Variants in AGAP1 observed in about 807,000 individuals in gnomAD.
AGAP1 encodes the protein ArfGAP with GTPase domain, ankyrin repeat and PH domain 1.
In AGAP1, 29 loss-of-function variants were observed where a neutral mutation model predicts 105.3. That is an observed-to-expected ratio of 0.28 (90% CI 0.21 to 0.38). The LOEUF is 0.38. Ranked by LOEUF, AGAP1 falls within the 10% of genes least tolerant of loss-of-function variation. The pLI, the probability that AGAP1 is intolerant of heterozygous loss-of-function variation, is 1.00. For synonymous variants in AGAP1, 509 were observed against 485.9 expected, an observed-to-expected ratio of 1.05 and a Z score of -0.63; for missense variants, 998 against 1,165.1, an observed-to-expected ratio of 0.86 and a Z score of 2.09.
rs562122220 is a variant in AGAP1, at chr2:236,044,712, C to A, written c.1891+3871C>A. Among the ~76,000 whole-genome samples, 1 of 152,110 alleles carries A rather than the reference C, an allele frequency of 6.6e-6. No individual in the cohort carries two copies. The highest frequency in any genetic ancestry group is 1.9e-4 in the East Asian group (1 of 5,190). On this transcript the variant is annotated intron_variant, in intron 15 of 17. Coordinates refer to ENST00000304032, the MANE Select transcript of AGAP1 (RefSeq NM_001037131.3). This position sits in a 1 kb window ranked among gnomAD's most constrained non-coding sequence, Gnocchi z 5.7. ...AATAGAACCTCCGGTCCCGCAACGT[C>A]GGGTCTCCTTCCCATTGTCGCCTCT...
rs1349173010 is a variant in AGAP1, at chr2:236,105,062, G to A, written c.2115-15130G>A. On this transcript the variant is annotated intron_variant, in intron 16 of 17. Coordinates refer to ENST00000304032, the MANE Select transcript of AGAP1 (RefSeq NM_001037131.3). The surrounding 1 kb of genome is among the most constrained non-coding windows in gnomAD (Gnocchi z 4.2). ...CACTGTCCTGGCTGCTGGGTGGGAA[G>A]ATAAAGCTGAGTTCCTTCTGTCTGT... Among the ~76,000 whole-genome samples the A allele has an allele frequency of 6.6e-6, 1 of 152,084 alleles. No individual in the cohort carries two copies. Among genetic ancestry groups the A allele is most frequent in the East Asian group, 1.9e-4 (1 of 5,156 alleles).
At chr2:235,670,702 G>T in intron 1 of AGAP1, 1 of 747,860 alleles carries the variant, frequency 1.3e-6, no homozygotes, top group Non-Finnish European at 2.3e-6. Flanking sequence ...CGACCGCCAC[G>T]CAGCCCGCCT....
Position 236,053,142 on chromosome 2 carries a change from G to T in AGAP1, c.2114+3861G>T, listed in dbSNP as rs111929711. On this transcript the variant is annotated intron_variant, in intron 16 of 17. Coordinates refer to ENST00000304032, the MANE Select transcript of AGAP1 (RefSeq NM_001037131.3). This position sits in a 1 kb window ranked among gnomAD's most constrained non-coding sequence, Gnocchi z 4.6. ...GGGGCTCTGGGTTCCAGTGTTAGAG[G>T]TACATGGTGTTACTGTAAGGAGAAG... is the stretch of plus-strand genomic sequence containing the variant. Among the ~76,000 whole-genome samples the T allele has an allele frequency of 6.6e-6, 1 of 152,216 alleles. No homozygotes were observed. Among genetic ancestry groups the T allele is most frequent in the Non-Finnish European group, 1.5e-5 (1 of 68,034 alleles).
chr2:235,581,294 C>T (rs1301899414), intron 1 of AGAP1, among the ~76,000 whole-genome samples: 1 of 147,862 alleles, frequency 6.8e-6, no homozygotes, highest in Non-Finnish European at 1.5e-5. Flanking sequence ...GTGACAAGAG[C>T]GAAACTCCGT....
At position 235,597,229 on chromosome 2, in the gene AGAP1, G is replaced by T. The variant is rs59766551; in HGVS notation, c.163+102380G>T. Among the ~76,000 whole-genome samples, 1,317 of 152,378 alleles carry T rather than the reference G, an allele frequency of 8.6e-3. 26 individuals carry two copies. Among genetic ancestry groups the T allele is most frequent in the African/African-American group, 0.03 (1,255 of 41,594 alleles). Reference sequence around the variant, plus strand: ...GTCACCCTTGTTGCCCGCCTCCAGGGCAGAGCTGGGGGCACTGGAGGTGCT... The same window carrying T: ...GTCACCCTTGTTGCCCGCCTCCAGGTCAGAGCTGGGGGCACTGGAGGTGCT... On this transcript the variant is annotated intron_variant, in intron 1 of 17. Transcript: ENST00000304032.
rs564836484 is a variant in AGAP1, at chr2:235,904,009, A to G, written c.1156-4729A>G. Among the ~76,000 whole-genome samples, 33 of 152,076 alleles carry G rather than the reference A, an allele frequency of 2.2e-4. No individual in the cohort carries two copies. Among genetic ancestry groups the G allele is most frequent in the African/African-American group, 7.7e-4 (32 of 41,488 alleles). ...ACGTTAAGCTGTGCTGCTGTCAGCAAGCTGAAAGCTATGGGTCTCTGACAC... is the reference window on the plus strand; with the variant it reads ...ACGTTAAGCTGTGCTGCTGTCAGCAGGCTGAAAGCTATGGGTCTCTGACAC... On this transcript the variant is annotated intron_variant, in intron 10 of 17. Coordinates refer to ENST00000304032, the MANE Select transcript of AGAP1 (RefSeq NM_001037131.3). This position sits in a 1 kb window ranked among gnomAD's most constrained non-coding sequence, Gnocchi z 4.2.
At chr2:235,914,429 C>A (rs1358807346) in intron 11 of AGAP1, among the ~76,000 whole-genome samples, 1 of 150,920 alleles carries the variant, frequency 6.6e-6, no homozygotes, top group African/African-American at 2.4e-5. Context: ...GATAAACACA[C>A]AAGTAAGATC....
chr2:235,704,072 C>T (rs1950400328), intron 1 of AGAP1, among the ~76,000 whole-genome samples: 1 of 152,224 alleles, frequency 6.6e-6, no homozygotes. Flanking sequence ...TGACCCCTCA[C>T]ACCCATTTCC....
intron 11 of AGAP1, among the ~76,000 whole-genome samples, chr2:235,915,250 G>A (rs1333953947): frequency 6.6e-6 from 1 of 152,196 alleles, no homozygotes; most frequent in Admixed American, 6.5e-5. Flanking sequence ...ACAGTAAAAT[G>A]TGAAGGATAA....
chr2:235,905,136 A>G lies in AGAP1; in HGVS notation c.1156-3602A>G, dbSNP rs2051242913. ...CATTTCTATAATAATTTTAAATAAA[A>G]TATCGTGGTTATTGTATGTTAAAAC... is the stretch of plus-strand genomic sequence containing the variant. On this transcript the variant is annotated intron_variant, in intron 10 of 17. Transcript: ENST00000304032. This position sits in a 1 kb window ranked among gnomAD's most constrained non-coding sequence, Gnocchi z 4.2. Among the ~76,000 whole-genome samples, 1 of 152,160 alleles carries G rather than the reference A, an allele frequency of 6.6e-6. No individual in the cohort carries two copies. Among genetic ancestry groups the G allele is most frequent in the Non-Finnish European group, 1.5e-5 (1 of 68,042 alleles).
rs142569611 is a variant in AGAP1 at position 235,645,586 on chromosome 2, T to TG, written c.164-63590dup. 7.1e-3 allele frequency among the ~76,000 whole-genome samples: 1,076 copies of TG among 151,950 alleles called. 20 individuals carry two copies. The highest frequency in any genetic ancestry group is 0.025 in the African/African-American group (1,029 of 41,436). The stretch of plus-strand genomic sequence containing the variant: ...CGTGAAAGAAGAAGAGTTCAGAGAA[T>TG]GGGTCATTGCAGGGGTTTACGCCCC... On this transcript the variant is annotated intron_variant, in intron 1 of 17. Transcript: ENST00000304032.
intron 3 of AGAP1, among the ~76,000 whole-genome samples, chr2:235,738,511 A>G (rs1267217464): frequency 6.6e-6 from 1 of 152,100 alleles, no homozygotes; most frequent in Non-Finnish European, 1.5e-5. Flanking sequence ...TTCTCCAAAG[A>G]AAGAGGAACA....
At chr2:235,681,355 C>G (rs774808602) in intron 1 of AGAP1, among the ~76,000 whole-genome samples, 1 of 152,104 alleles carries the variant, frequency 6.6e-6, no homozygotes, top group Non-Finnish European at 1.5e-5. Flanking sequence ...ACGCGCCTCC[C>G]GAGGAGGAAG....
chr2:235,880,083 C>CTTTTTTTTTT (rs35633339), intron 9 of AGAP1, among the ~76,000 whole-genome samples: 1 of 138,890 alleles, frequency 7.2e-6, no homozygotes, highest in African/African-American at 2.6e-5. Context: ...GCACTCTGGC[C>CTTTTTTTTTT]TTTTTTTTTT....
intron 1 of AGAP1, among the ~76,000 whole-genome samples, chr2:235,524,167 G>T (rs1376074885): frequency 2.6e-5 from 4 of 152,198 alleles, no homozygotes; most frequent in African/African-American, 9.6e-5. Flanking sequence ...GGCCACCATT[G>T]TCTCCTGGCA....
intron 12 of AGAP1, among the ~76,000 whole-genome samples, chr2:235,938,435 G>A (rs963018250): frequency 3.3e-5 from 5 of 152,228 alleles, no homozygotes; most frequent in African/African-American, 1.2e-4. Context: ...CAGGGAGGGT[G>A]AGGCCATCAG....
chr2:235,791,860 C>T (rs75180882), intron 6 of AGAP1, among the ~76,000 whole-genome samples: 309 of 152,210 alleles, frequency 2.0e-3, no homozygotes, highest in African/African-American at 6.9e-3. Context: ...AAGAGCCTTT[C>T]AATGAAATGT....
rs1263277734 is a variant in AGAP1, at chr2:236,113,204, A to C, written c.2115-6988A>C. 1.3e-5 allele frequency among the ~76,000 whole-genome samples: 2 copies of C among 152,152 alleles called. No homozygotes were observed. Among genetic ancestry groups the C allele is most frequent in the Admixed American group, 6.6e-5 (1 of 15,264 alleles). ...TGCCCAGGCTGGAGTGCAGTGGTGC[A>C]ATCTCAACTCACTGCAACCTCCGCC... On this transcript the variant is annotated intron_variant, in intron 16 of 17. Coordinates refer to ENST00000304032, the MANE Select transcript of AGAP1 (RefSeq NM_001037131.3). The surrounding 1 kb of genome is among the most constrained non-coding windows in gnomAD (Gnocchi z 4.3).
rs1957481770 is a variant in AGAP1, at chr2:235,801,273, C to A, written c.957+1751C>A. Among the ~76,000 whole-genome samples, 1 of 152,138 alleles carries A rather than the reference C, an allele frequency of 6.6e-6. No individual in the cohort carries two copies. The highest frequency in any genetic ancestry group is 2.4e-5 in the African/African-American group (1 of 41,428). On this transcript the variant is annotated intron_variant, in intron 8 of 17. Coordinates refer to ENST00000304032, the MANE Select transcript of AGAP1 (RefSeq NM_001037131.3). This position sits in a 1 kb window ranked among gnomAD's most constrained non-coding sequence, Gnocchi z 6.0. ...TTACTTGACCTCTCTGGGCTGGAAA[C>A]CATAGTACTTCTGCAGTGGGGCTTC...
Sources: allele counts gnomAD v4.1 joint callset (sites outside exome capture counted in the v4.1 genomes callset), GRCh38; gene constraint gnomAD v4.1.1; non-coding constraint Gnocchi (gnomAD v3.1); transcripts MANE v1.5; gene names NCBI Gene and HGNC (gene_info 2026-07-23, HGNC 2026-07-21).